PPP2R2C: variants seen among roughly 807,000 people sequenced by gnomAD.
PPP2R2C encodes protein phosphatase 2, regulatory subunit B, gamma.
PPP2R2C carries 10 observed loss-of-function variants against 45.3 expected under a neutral mutation model. That is an observed-to-expected ratio of 0.22 (90% CI 0.14 to 0.37). The LOEUF (loss-of-function observed/expected upper bound fraction) is 0.37. Ranked by LOEUF, PPP2R2C falls within the 10% of genes least tolerant of loss-of-function variation. The probability of loss-of-function intolerance (pLI) is 1.00; values close to 1 mark genes in which losing one functional copy is unlikely to be tolerated. For synonymous variants in PPP2R2C, 257 were observed against 245.4 expected (o/e 1.05, Z -0.44); for missense variants, 308 against 619.7 (o/e 0.50, Z 5.34).
At chr4:6,414,947 G>T (rs1718471539) in intron 1 of PPP2R2C, among the ~76,000 whole-genome samples, 2 of 152,296 alleles carry the variant, frequency 1.3e-5, no homozygotes, top group East Asian at 3.9e-4. Flanking sequence ...TGAACTCAGG[G>T]TCACCCTCCC....
intron 5 of PPP2R2C, among the ~76,000 whole-genome samples, chr4:6,363,398 G>GAA (rs563192107): frequency 1.3e-5 from 2 of 152,094 alleles, no homozygotes; most frequent in Non-Finnish European, 2.9e-5. Flanking sequence ...CTAACACGGT[G>GAA]AAACCCCGTC....
chr4:6,404,935 C>A (rs980804272), intron 1 of PPP2R2C, among the ~76,000 whole-genome samples: 18 of 152,190 alleles, frequency 1.2e-4, no homozygotes, highest in Admixed American at 1.0e-3. Context: ...AGCAAGGCAC[C>A]GCACCTCTGC....
At chr4:6,410,289 C>G (rs551752989) in intron 1 of PPP2R2C, among the ~76,000 whole-genome samples, 4 of 152,298 alleles carry the variant, frequency 2.6e-5, no homozygotes, top group African/African-American at 4.8e-5. Context: ...GTCCCATGTT[C>G]TACAAACCTC....
At chr4:6,512,963 A>T (rs1236982612) in intron 2 of PPP2R2C, among the ~76,000 whole-genome samples, 1 of 152,134 alleles carries the variant, frequency 6.6e-6, no homozygotes, top group Admixed American at 6.5e-5. Context: ...TAGCTGGTCC[A>T]CATATCAGGA....
chr4:6,364,866 G>A lies in PPP2R2C; in HGVS notation c.625+7657C>T, dbSNP rs909910413. The stretch of plus-strand genomic sequence containing the variant: ...GGGGCAGACAGGCAGGTGGGCTCTG[G>A]GTGCATTTGGACGATGGGATCACAG... On this transcript the variant is annotated intron_variant, in intron 5 of 8. Coordinates refer to ENST00000382599, the MANE Select transcript of PPP2R2C (RefSeq NM_020416.4). The surrounding 1 kb of genome is among the most constrained non-coding windows in gnomAD (Gnocchi z 5.3). Among the ~76,000 whole-genome samples, 2 of 152,036 alleles carry A rather than the reference G, an allele frequency of 1.3e-5. No individual in the cohort carries two copies. Among genetic ancestry groups the A allele is most frequent in the East Asian group, 3.9e-4 (2 of 5,176 alleles).
At chr4:6,511,393 ATGGTGGTGATGG>A (rs1560593510) in intron 2 of PPP2R2C, among the ~76,000 whole-genome samples, 1 of 123,558 alleles carries the variant, frequency 8.1e-6, no homozygotes, top group Non-Finnish European at 1.8e-5. Context: ...GGTGATGGTG[ATGGTGGTGATGG>A]TGGTGGTGAC....
At chr4:6,425,898 G>A (rs1052654968) in intron 1 of PPP2R2C, among the ~76,000 whole-genome samples, 23 of 152,016 alleles carry the variant, frequency 1.5e-4, no homozygotes, top group African/African-American at 5.1e-4. Flanking sequence ...TGGTGTATGT[G>A]TGTGCATGCA....
intron 1 of PPP2R2C, among the ~76,000 whole-genome samples, chr4:6,446,217 C>T (rs995796769): frequency 6.6e-6 from 1 of 152,222 alleles, no homozygotes; most frequent in African/African-American, 2.4e-5. Context: ...GAACTCGGAG[C>T]TGCCCCTGCA....
intron 2 of PPP2R2C, among the ~76,000 whole-genome samples, chr4:6,497,056 G>T (rs1450102758): frequency 6.6e-6 from 1 of 151,936 alleles, no homozygotes; most frequent in East Asian, 1.9e-4. Context: ...AGTTCCATAG[G>T]CCTTTAAGGG....
At chr4:6,522,375 A>C (rs1398343514) in intron 2 of PPP2R2C, among the ~76,000 whole-genome samples, 2 of 152,236 alleles carry the variant, frequency 1.3e-5, no homozygotes, top group Non-Finnish European at 2.9e-5. Flanking sequence ...TAGAGGTGGG[A>C]AATTGAGGCT....
chr4:6,428,438 C>A (rs1348637056), intron 1 of PPP2R2C, among the ~76,000 whole-genome samples: 1 of 152,200 alleles, frequency 6.6e-6, no homozygotes, highest in African/African-American at 2.4e-5. Context: ...GTCCACCAGC[C>A]TTTAGGCCTG....
intron 6 of PPP2R2C, among the ~76,000 whole-genome samples, chr4:6,346,877 T>C (rs1299786903): frequency 6.6e-6 from 1 of 152,144 alleles, no homozygotes; most frequent in Non-Finnish European, 1.5e-5. Context: ...TCAACAAGTG[T>C]TTATTTCCAG....
At chr4:6,541,187 CT>C (rs769574437) in intron 1 of PPP2R2C, among the ~76,000 whole-genome samples, 7 of 152,108 alleles carry the variant, frequency 4.6e-5, no homozygotes, top group Non-Finnish European at 1.0e-4. Flanking sequence ...GCCACCTCTG[CT>C]GAATTACAGA....
At chr4:6,518,922 T>TAAAAA (rs56002128) in intron 2 of PPP2R2C, among the ~76,000 whole-genome samples, 100 of 92,812 alleles carry the variant, frequency 1.1e-3, no homozygotes, top group Non-Finnish European at 1.3e-3. Flanking sequence ...GACTCTGTCT[T>TAAAAA]AAAAAAAAAA....
At chr4:6,394,996 C>T (rs757422447) in intron 1 of PPP2R2C, among the ~76,000 whole-genome samples, 13 of 152,190 alleles carry the variant, frequency 8.5e-5, no homozygotes, top group African/African-American at 2.7e-4. Context: ...AGCCCCCCTC[C>T]GCCCACCTCC....
At chr4:6,533,036 C>T (rs1724458240) in intron 2 of PPP2R2C, among the ~76,000 whole-genome samples, 3 of 152,180 alleles carry the variant, frequency 2.0e-5, no homozygotes, top group South Asian at 4.1e-4. Flanking sequence ...CAGGGGTAAG[C>T]AGGGGGATGA....
At chr4:6,472,836 G>T (rs1721988365), upstream of PPP2R2C, among the ~76,000 whole-genome samples, 1 of 152,096 alleles carries the variant, frequency 6.6e-6, no homozygotes, top group Non-Finnish European at 1.5e-5. Context: ...GAGCTTGGGG[G>T]GAGGGTACCT....
intron 1 of PPP2R2C, among the ~76,000 whole-genome samples, chr4:6,562,891 G>C (rs778529921): frequency 6.6e-6 from 1 of 151,090 alleles, no homozygotes; most frequent in African/African-American, 2.4e-5. Flanking sequence ...CAGGGTGCGA[G>C]AGCAGCTGTC....
chr4:6,434,358 TC>T (rs1334431621), intron 1 of PPP2R2C, among the ~76,000 whole-genome samples: 9 of 31,748 alleles, frequency 2.8e-4, no homozygotes, highest in African/African-American at 5.7e-4. Context: ...TTTTTTCTTT[TC>T]TTTTTTTTTT....
Sources: gnomAD v4.1 joint callset for allele counts (sites outside exome capture counted in the v4.1 genomes callset) on GRCh38, gnomAD v4.1.1 for gene constraint, Gnocchi (gnomAD v3.1) non-coding constraint, MANE v1.5 for transcripts, NCBI Gene and HGNC (gene_info 2026-07-23, HGNC 2026-07-21) for gene names.